HIBCH: variants seen among roughly 807,000 people sequenced by gnomAD.
HIBCH encodes 3-hydroxyisobutyryl-CoA hydrolase, mitochondrial.
A neutral mutation model predicts 58.2 loss-of-function variants in HIBCH; 50 were observed. The ratio of observed to expected loss-of-function variants is 0.86; its 90% CI spans 0.68 to 1.09. The LOEUF (loss-of-function observed/expected upper bound fraction) is 1.09, where lower values mean the gene tolerates loss of function less well. HIBCH is among the 50% of genes least tolerant of loss of function. The pLI is 0.00. For missense variants in HIBCH, 450 were observed against 449.7 expected (o/e 1.00, Z -0.01); for synonymous variants, 151 against 146.9 (o/e 1.03, Z -0.20).
intron 3 of HIBCH, among the ~76,000 whole-genome samples, chr2:190,294,945 CATAATA>C (rs749348424): frequency 1.3e-5 from 2 of 152,082 alleles, no homozygotes; most frequent in African/African-American, 2.4e-5. Context: ...CAAATAAGGG[CATAATA>C]ATAATATGTT....
At chr2:190,233,139 CAT>C (rs563623850) in intron 11 of HIBCH, among the ~76,000 whole-genome samples, 61 of 152,062 alleles carry the variant, frequency 4.0e-4, no homozygotes, top group African/African-American at 1.4e-3. Flanking sequence ...TCATATGTAA[CAT>C]GTTTTATTCC....
At chr2:190,273,504 T>C (rs902995758) in intron 6 of HIBCH, among the ~76,000 whole-genome samples, 1 of 152,160 alleles carries the variant, frequency 6.6e-6, no homozygotes, top group African/African-American at 2.4e-5. Context: ...GATCTACCGC[T>C]CTCTATCAAA....
chr2:190,201,305 T>C (rs1690234766), downstream of HIBCH: 1 of 166,882 alleles, frequency 6.0e-6, no homozygotes, highest in African/African-American at 2.4e-5. Context: ...TTAAGTACTG[T>C]TTGAAGATCA....
chr2:190,300,240 A>G (rs938913212), intron 2 of HIBCH, among the ~76,000 whole-genome samples: 1 of 152,154 alleles, frequency 6.6e-6, no homozygotes, highest in Non-Finnish European at 1.5e-5. Context: ...AAATCGCGAC[A>G]CCGCTTTCCA....
rs916988509 is a variant in HIBCH, at chr2:190,304,711, A to G, written c.78+6043T>C. ...GTACCACAAATTAAATGGCTTAAAC[A>G]ACACAAACTTATTTTTTTTGTAAAA... On this transcript the variant is annotated intron_variant, in intron 2 of 13. Transcript: ENST00000359678. This position sits in a 1 kb window ranked among gnomAD's most constrained non-coding sequence, Gnocchi z 4.1. Among the ~76,000 whole-genome samples, 1 of 152,210 alleles carries G rather than the reference A, an allele frequency of 6.6e-6. No homozygotes were observed. The highest frequency in any genetic ancestry group is 1.5e-5 in the Non-Finnish European group (1 of 68,016).
intron 4 of HIBCH, among the ~76,000 whole-genome samples, chr2:190,291,469 A>T (rs1687956333): frequency 6.6e-6 from 1 of 152,232 alleles, no homozygotes; most frequent in Admixed American, 6.5e-5. Context: ...AAAAATTCTG[A>T]CTAGGGGAAG....
intron 12 of HIBCH, 117 bp downstream of exon 12, chr2:190,212,839 G>A: frequency 1.1e-6 from 1 of 888,632 alleles, no homozygotes; most frequent in Non-Finnish European, 1.7e-6. Flanking sequence ...TTTTTGTAGA[G>A]TAAATTTACA....
At chr2:190,308,350 C>T (rs1209931165) in intron 2 of HIBCH, among the ~76,000 whole-genome samples, 1 of 152,080 alleles carries the variant, frequency 6.6e-6, no homozygotes, top group Non-Finnish European at 1.5e-5. Context: ...TGCTATGGTT[C>T]GAGTATTTGC....
downstream of HIBCH, chr2:190,200,404 A>AGAAGTGC (rs1690195051): frequency 2.6e-6 from 1 of 391,730 alleles, no homozygotes; most frequent in Admixed American, 4.0e-5. Context: ...AATCAGCTGA[A>AGAAGTGC]TGTCACAGCA....
chr2:190,229,911 G>C (rs187084685), intron 11 of HIBCH, among the ~76,000 whole-genome samples: 2 of 151,762 alleles, frequency 1.3e-5, no homozygotes, highest in Non-Finnish European at 2.9e-5. Context: ...CCGTAAAAAC[G>C]TAACAGTTAA....
At chr2:190,301,273 A>G (rs558092515) in intron 2 of HIBCH, among the ~76,000 whole-genome samples, 1 of 152,178 alleles carries the variant, frequency 6.6e-6, no homozygotes, top group African/African-American at 2.4e-5. Flanking sequence ...TCAAGCTTGT[A>G]GCCCTAGGTC....
intron 11 of HIBCH, among the ~76,000 whole-genome samples, chr2:190,219,405 CCT>C (rs1480039765): frequency 3.9e-5 from 6 of 152,162 alleles, no homozygotes; most frequent in Non-Finnish European, 5.9e-5. Context: ...ATACTAGGCC[CCT>C]GTTTGGATAG....
At chr2:190,313,542 C>T (rs140177384) in intron 1 of HIBCH, among the ~76,000 whole-genome samples, 27 of 151,174 alleles carry the variant, frequency 1.8e-4, no homozygotes, top group African/African-American at 6.1e-4. Flanking sequence ...TTCTTCACAA[C>T]ACCACTTATC....
rs1430506516 is a variant in HIBCH, at chr2:190,210,540, A to G, written c.1012-1627T>C. Among the ~76,000 whole-genome samples the G allele has an allele frequency of 1.3e-5, 2 of 152,156 alleles. No homozygotes were observed. Among genetic ancestry groups the G allele is most frequent in the Admixed American group, 1.3e-4 (2 of 15,286 alleles). On this transcript the variant is annotated intron_variant, in intron 12 of 13. Transcript: ENST00000359678. The surrounding 1 kb of genome is among the most constrained non-coding windows in gnomAD (Gnocchi z 5.5). ...TAGCAGCCTGAGTGATCAATTCTTT[A>G]AAGTATAAGATCATGGCATTCCTCT...
At chr2:190,294,731 T>C in intron 3 of HIBCH, 101 bp from the exon 4 acceptor site, 1 of 781,642 alleles carries the variant, frequency 1.3e-6, no homozygotes, top group Non-Finnish European at 2.2e-6. Context: ...TTCATATACA[T>C]ATGTGTTTGT....
intron 2 of HIBCH, among the ~76,000 whole-genome samples, chr2:190,299,409 T>C (rs1688198264): frequency 6.6e-6 from 1 of 152,360 alleles, no homozygotes; most frequent in South Asian, 2.1e-4. Flanking sequence ...CAATTTCATT[T>C]GAATTTCTCA....
At chr2:190,295,091 T>C (rs111740649) in intron 3 of HIBCH, among the ~76,000 whole-genome samples, 4 of 152,282 alleles carry the variant, frequency 2.6e-5, no homozygotes, top group South Asian at 2.1e-4. Context: ...AAACCACTTA[T>C]AATATAAAAA....
intron 1 of HIBCH, among the ~76,000 whole-genome samples, chr2:190,314,338 C>T (rs1262905315): frequency 1.9e-4 from 25 of 130,804 alleles, no homozygotes; most frequent in African/African-American, 6.2e-4. Context: ...TGTATATATA[C>T]ATATATATGT....
rs968215840 is a variant in HIBCH, at chr2:190,206,053, A to G, written c.1046-821T>C. Reference sequence around the variant, plus strand: ...TTCAACCATGCTTAAAATGCACATAATTCTTGTGAAGAATGGAAATATTTA... The same window carrying G: ...TTCAACCATGCTTAAAATGCACATAGTTCTTGTGAAGAATGGAAATATTTA... On this transcript the variant is annotated intron_variant, in intron 13 of 13. Transcript: ENST00000359678. The surrounding 1 kb of genome is among the most constrained non-coding windows in gnomAD (Gnocchi z 5.1). 2.5e-4 allele frequency among the ~76,000 whole-genome samples: 38 copies of G among 152,204 alleles called. No homozygotes were observed. The highest frequency in any genetic ancestry group is 9.2e-4 in the African/African-American group (38 of 41,444).
Sources: allele counts gnomAD v4.1 joint callset (sites outside exome capture counted in the v4.1 genomes callset), GRCh38; gene constraint gnomAD v4.1.1; non-coding constraint Gnocchi (gnomAD v3.1); transcripts MANE v1.5; gene names NCBI Gene and HGNC (gene_info 2026-07-23, HGNC 2026-07-21).